Variants in RANBP10 observed in about 807,000 individuals in gnomAD.
The protein encoded by RANBP10 is ran-binding protein 10.
In RANBP10, 24 loss-of-function variants were observed where a neutral mutation model predicts 72.8. The observed-to-expected ratio is 0.33, with a 90% CI of 0.24 to 0.46. RANBP10 has a LOEUF of 0.46. RANBP10 is among the 20% of genes least tolerant of loss of function. RANBP10 has a pLI of 1.00. For synonymous variants in RANBP10, 310 were observed against 322.3 expected, an observed-to-expected ratio of 0.96 and a Z score of 0.41; for missense variants, 679 against 817.5, an observed-to-expected ratio of 0.83 and a Z score of 2.07.
In RANBP10 at chr16:67,729,733, G is replaced by T. The variant is rs368344451; in HGVS notation, c.1094C>A (p.Ser365Tyr). The change falls in exon 9 of 14, where the codon TCC becomes TAC. Residue 365 changes from serine (S) to tyrosine (Y), a missense_variant. Ser to Tyr is a moderately radical substitution (Grantham distance 144). Coordinates refer to ENST00000317506, the MANE Select transcript of RANBP10 (RefSeq NM_020850.3). This position sits in a 1 kb window ranked among gnomAD's most constrained non-coding sequence, Gnocchi z 7.1. The stretch of plus-strand genomic sequence containing the variant: ...GCCATGTCGGGGACTGAGGCTGGGG[G>T]AGCCAGGGTAGCTGTCCTGGGACTT... ...SPKSQDSYPGSPSLSPRHGPS... is the reference protein window; with the variant it reads ...SPKSQDSYPGYPSLSPRHGPS... 2.2e-5 allele frequency: 36 copies of T among 1,614,012 alleles called. No individual in the cohort carries two copies. Among genetic ancestry groups the T allele is most frequent in the Admixed American group, 3.3e-5 (2 of 59,996 alleles).
chr16:67,804,790 A>G (rs2055308900), intron 2 of RANBP10, among the ~76,000 whole-genome samples: 1 of 151,888 alleles, frequency 6.6e-6, no homozygotes, highest in Admixed American at 6.6e-5. Flanking sequence ...TAGCCTCCCA[A>G]ATTGCTGGGA....
At chr16:67,771,132 A>C (rs2054599538) in intron 3 of RANBP10, among the ~76,000 whole-genome samples, 1 of 151,640 alleles carries the variant, frequency 6.6e-6, no homozygotes, top group Non-Finnish European at 1.5e-5. Flanking sequence ...CATGGTGATG[A>C]GCTCCTGTGG....
chr16:67,727,538 C>T, intron 12 of RANBP10, 100 bp from the exon 13 acceptor site: 9 of 1,347,568 alleles, frequency 6.7e-6, no homozygotes, highest in Non-Finnish European at 9.3e-6. Context: ...TGATGCCCAG[C>T]CTGGAATGTG....
At chr16:67,768,107 C>T (rs58588228) in intron 3 of RANBP10, among the ~76,000 whole-genome samples, 21,474 of 151,038 alleles carry the variant, frequency 0.14, 1,732 homozygotes, top group African/African-American at 0.21. Flanking sequence ...AAAGAACATA[C>T]GGCTAGGCAT....
intron 7 of RANBP10, 40 bp downstream of exon 7, chr16:67,731,431 AC>A: frequency 6.6e-7 from 1 of 1,521,254 alleles, no homozygotes; most frequent in Non-Finnish European, 9.1e-7. Context: ...AGAGTTAGGG[AC>A]AGGTGAGGAA....
At chr16:67,766,416 C>G (rs562212527) in intron 3 of RANBP10, among the ~76,000 whole-genome samples, 7 of 152,284 alleles carry the variant, frequency 4.6e-5, no homozygotes, top group African/African-American at 1.4e-4. Flanking sequence ...AAATGTGATT[C>G]TCAATGATGG....
intron 3 of RANBP10, among the ~76,000 whole-genome samples, chr16:67,761,744 T>A (rs1326144427): frequency 6.6e-6 from 1 of 152,120 alleles, no homozygotes. Flanking sequence ...TAATTTTTTA[T>A]ATCTTTGGTA....
chr16:67,774,367 GT>G (rs1282449214), intron 2 of RANBP10, among the ~76,000 whole-genome samples: 3 of 152,202 alleles, frequency 2.0e-5, no homozygotes, highest in Admixed American at 2.0e-4. Context: ...CAGGGCTCTG[GT>G]TCCACAACAT....
In RANBP10 at chr16:67,725,383, C is replaced by G. The variant is rs1372528440; in HGVS notation, c.*1045G>C. ...AGGCAGGAAGAAAGCAGCCCCTGTA[C>G]TCAAGGGCCTCTGTCCTGGGAATGG... is the stretch of plus-strand genomic sequence containing the variant. On this transcript the variant is annotated 3_prime_UTR_variant, in exon 14 of 14. Coordinates refer to ENST00000317506, the MANE Select transcript of RANBP10 (RefSeq NM_020850.3). The G allele has an allele frequency of 6.6e-6, 1 of 152,556 alleles. No individual in the cohort carries two copies. The highest frequency in any genetic ancestry group is 2.4e-5 in the African/African-American group (1 of 41,458). The allele number at this position is 152,556 out of a possible 1,614,324, so 9.5% of individuals were successfully genotyped here. A position where few individuals can be genotyped will look rare whatever the true frequency, so the allele number is the denominator to read the frequency against.
In RANBP10 at chr16:67,767,448, C is replaced by T. The variant is rs559760239; in HGVS notation, c.400+4586G>A. Among the ~76,000 whole-genome samples the T allele has an allele frequency of 1.5e-3, 180 of 120,656 alleles. 2 individuals are homozygous for T. The highest frequency in any genetic ancestry group is 6.5e-3 in the African/African-American group (170 of 26,032). 79.2% of individuals were successfully genotyped at this position (120,656 alleles called of 152,430 possible). A position where few individuals can be genotyped will look rare whatever the true frequency, so the allele number is the denominator to read the frequency against. ...CTCCAAGCTGGGCAACAGCGAGACC[C>T]TGTTTCAAAAAAAAAAAAAAAAAAA... On this transcript the variant is annotated intron_variant, in intron 3 of 13. Transcript: ENST00000317506.
chr16:67,747,197 A>AT (rs946874900), intron 3 of RANBP10, among the ~76,000 whole-genome samples: 4 of 151,752 alleles, frequency 2.6e-5, no homozygotes, highest in African/African-American at 7.3e-5. Flanking sequence ...TTCTCAGTTT[A>AT]TTTTTTTTAA....
At chr16:67,799,484 T>A (rs1376629605) in intron 2 of RANBP10, among the ~76,000 whole-genome samples, 3 of 152,062 alleles carry the variant, frequency 2.0e-5, no homozygotes, top group Non-Finnish European at 2.9e-5. Context: ...AGACGGGGTT[T>A]CACCATGTTA....
At chr16:67,775,611 G>A (rs1310396918) in intron 2 of RANBP10, among the ~76,000 whole-genome samples, 1 of 151,844 alleles carries the variant, frequency 6.6e-6, no homozygotes, top group Non-Finnish European at 1.5e-5. Context: ...CCAAGAGTTC[G>A]AGACCAGCCT....
intron 2 of RANBP10, among the ~76,000 whole-genome samples, chr16:67,790,937 A>T (rs1300088535): frequency 1.3e-5 from 2 of 150,946 alleles, no homozygotes; most frequent in African/African-American, 4.9e-5. Context: ...TGACCTCATG[A>T]TCCACCCACC....
At chr16:67,744,873 G>C (rs2054039768) in intron 3 of RANBP10, among the ~76,000 whole-genome samples, 1 of 152,224 alleles carries the variant, frequency 6.6e-6, no homozygotes, top group South Asian at 2.1e-4. Context: ...ATCCATGCTG[G>C]AGTGCAATGG....
At chr16:67,784,548 C>G (rs2054872977) in intron 2 of RANBP10, among the ~76,000 whole-genome samples, 1 of 152,120 alleles carries the variant, frequency 6.6e-6, no homozygotes, top group South Asian at 2.1e-4. Flanking sequence ...CCCAGCTACT[C>G]TGGAGGCTGA....
chr16:67,805,478 G>A lies in RANBP10; in HGVS notation c.297C>T (p.Ala99=), dbSNP rs1334686418. Residue 99 remains alanine (A), a synonymous_variant, in exon 2 of 14, where the codon GCC becomes GCT. Coordinates refer to ENST00000317506, the MANE Select transcript of RANBP10 (RefSeq NM_020850.3). ...TCACTTCAAAGTAATAAATGCCACA[G>A]GCAGCAGGTATGGGGTGGGTGGCAC... ...SVRATHPIPA[A]CGIYYFEVKI... 3 of 1,614,136 alleles carry A rather than the reference G, an allele frequency of 1.9e-6. No homozygotes were observed. The highest frequency in any genetic ancestry group is 2.2e-5 in the South Asian group (2 of 91,080).
At position 67,729,835 on chromosome 16, in the gene RANBP10, AG is replaced by A; in HGVS notation, c.999-8del. On this transcript the variant is annotated splice_polypyrimidine_tract_variant and splice_region_variant and intron_variant, in intron 8 of 13. Coordinates refer to ENST00000317506, the MANE Select transcript of RANBP10 (RefSeq NM_020850.3). The surrounding 1 kb of genome is among the most constrained non-coding windows in gnomAD (Gnocchi z 7.1). ...CTCCACAAACTGCCGGCACCTGTGG[AG>A]GGAGCGGAGCAATAATGCTCTGGTT... The A allele has an allele frequency of 2.5e-6, 4 of 1,613,640 alleles. No homozygotes were observed. Among genetic ancestry groups the A allele is most frequent in the Non-Finnish European group, 3.4e-6 (4 of 1,179,872 alleles).
chr16:67,804,493 C>T (rs1351708626), intron 2 of RANBP10, among the ~76,000 whole-genome samples: 1 of 151,940 alleles, frequency 6.6e-6, no homozygotes, highest in Non-Finnish European at 1.5e-5. Context: ...CCTCCACCTC[C>T]CATGTTCAAG....
Sources: allele counts gnomAD v4.1 joint callset (sites outside exome capture counted in the v4.1 genomes callset), GRCh38; gene constraint gnomAD v4.1.1; non-coding constraint Gnocchi (gnomAD v3.1); transcripts MANE v1.5; gene names NCBI Gene and HGNC (gene_info 2026-07-23, HGNC 2026-07-21).